Variants in CTNS observed in about 807,000 individuals in gnomAD.
The protein encoded by CTNS is cystinosin.
Under a neutral mutation model 43.7 loss-of-function variants are expected in CTNS, and 27 were observed. That is an observed-to-expected ratio of 0.62 (90% CI 0.46 to 0.85). The LOEUF (loss-of-function observed/expected upper bound fraction) is 0.85. Ranked by LOEUF, CTNS falls within the 40% of genes least tolerant of loss-of-function variation. The probability of loss-of-function intolerance (pLI) is 0.00; values close to 1 mark genes in which losing one functional copy is unlikely to be tolerated. For synonymous variants in CTNS, 187 were observed against 190.6 expected (o/e 0.98, Z 0.16); for missense variants, 457 against 475.4 (o/e 0.96, Z 0.36).
At chr17:3,647,571 G>GCTGGGTCAGGGCTGACCC in intron 4 of CTNS, 49 bp downstream of exon 4, 1 of 1,549,398 alleles carries the variant, frequency 6.5e-7, no homozygotes, top group Non-Finnish European at 8.9e-7. Flanking sequence ...AGGCCCCGCA[G>GCTGGGTCAGGGCTGACCC]CTGGGTCAGG....
At chr17:3,657,389 G>A (rs77550564) in intron 9 of CTNS, among the ~76,000 whole-genome samples, 7,806 of 152,258 alleles carry the variant, frequency 0.051, 711 homozygotes, top group African/African-American at 0.18. Context: ...GGCTGGGTCC[G>A]GGGACCCCTG....
upstream of CTNS, chr17:3,636,636 A>G: frequency 5.6e-6 from 1 of 178,082 alleles, no homozygotes; most frequent in Non-Finnish European, 1.2e-5. Flanking sequence ...TCCGTCTAAG[A>G]CGCGCGGAAA....
chr17:3,658,746 C>G (rs222752), intron 10 of CTNS, among the ~76,000 whole-genome samples: 53,463 of 152,118 alleles, frequency 0.35, 10,972 homozygotes, highest in Non-Finnish European at 0.46. Flanking sequence ...CTGGGAGCCT[C>G]GTGTTCTGTG....
chr17:3,647,128 C>T (rs1337917418), intron 3 of CTNS, among the ~76,000 whole-genome samples: 1 of 152,186 alleles, frequency 6.6e-6, no homozygotes, highest in African/African-American at 2.4e-5. Context: ...TGGAATTCCC[C>T]TGTAATGATT....
At chr17:3,653,055 TTGGAG>T (rs2076024655) in intron 5 of CTNS, among the ~76,000 whole-genome samples, 1 of 146,566 alleles carries the variant, frequency 6.8e-6, no homozygotes, top group Non-Finnish European at 1.5e-5. Context: ...AGCCCAGGAG[TTGGAG>T]TGATCAGTGA....
chr17:3,653,300 C>T (rs2089059), intron 5 of CTNS, among the ~76,000 whole-genome samples: 28,365 of 152,144 alleles, frequency 0.19, 3,487 homozygotes, highest in East Asian at 0.5. Context: ...GTAATCCCAA[C>T]TACTCAGGAG....
At chr17:3,651,150 A>C (rs890557783) in intron 5 of CTNS, among the ~76,000 whole-genome samples, 3 of 151,832 alleles carry the variant, frequency 2.0e-5, no homozygotes, top group Non-Finnish European at 4.4e-5. Context: ...GCTGGAGTGC[A>C]ATGGCGCAAT....
At position 3,655,413 on chromosome 17, in the gene CTNS, C is replaced by T. The variant is rs1287957954; in HGVS notation, c.461+61C>T. On this transcript the variant is annotated intron_variant, in intron 7 of 11. Coordinates refer to ENST00000046640, the MANE Select transcript of CTNS (RefSeq NM_004937.3). ...GGCCCCTAGGAGCAGGGCGTTCCAG[C>T]AAGGCTGCCGATAGCGCAGCCTCCA... 4.4e-6 allele frequency: 7 copies of T among 1,607,056 alleles called. No homozygotes were observed. In the Admixed American group the frequency reaches 5.0e-5, roughly 11 times the overall value.
At chr17:3,655,566 G>T in intron 7 of CTNS, 40 of 498,538 alleles carry the variant, frequency 8.0e-5, no homozygotes, top group Non-Finnish European at 9.9e-5. Flanking sequence ...CCCTCCCTGG[G>T]AAAGCAGGAA....
chr17:3,654,722 C>T (rs551178503), intron 5 of CTNS, among the ~76,000 whole-genome samples: 30 of 149,190 alleles, frequency 2.0e-4, no homozygotes, highest in South Asian at 8.6e-4. Flanking sequence ...AGGCCAGGCG[C>T]GGTGGCTCAC....
intron 2 of CTNS, among the ~76,000 whole-genome samples, chr17:3,638,908 A>C (rs996597945): frequency 6.6e-6 from 1 of 152,196 alleles, no homozygotes. Context: ...GCCAGAGAGT[A>C]GGTACGGGGT....
intron 7 of CTNS, chr17:3,655,851 G>C (rs1194220598): frequency 3.9e-6 from 1 of 254,566 alleles, no homozygotes; most frequent in African/African-American, 2.2e-5. Context: ...CTCCCCTCTG[G>C]AGCCAGGACT....
chr17:3,649,535 T>G (rs2075927496), intron 5 of CTNS, among the ~76,000 whole-genome samples: 1 of 151,834 alleles, frequency 6.6e-6, no homozygotes, highest in South Asian at 2.1e-4. Context: ...TTGGGCTTCC[T>G]TAGGAACACA....
At chr17:3,651,667 T>TA (rs2075985828) in intron 5 of CTNS, among the ~76,000 whole-genome samples, 1 of 151,976 alleles carries the variant, frequency 6.6e-6, no homozygotes, top group Non-Finnish European at 1.5e-5. Flanking sequence ...GTTCAGTTTT[T>TA]AAAAAAGTCT....
rs2076290066 is a variant in CTNS at position 3,662,403 on chromosome 17, A to G, written c.*2034A>G. Among the ~76,000 whole-genome samples, 1 of 152,118 alleles carries G rather than the reference A, an allele frequency of 6.6e-6. No homozygotes were observed. Among genetic ancestry groups the G allele is most frequent in the Admixed American group, 6.5e-5 (1 of 15,280 alleles). ...GTGCTAACACCTTCCCAGAGGTGGT[A>G]CGCAGGTAGTCAGGTGCTCTCTGAC... On this transcript the variant is annotated 3_prime_UTR_variant, in exon 12 of 12. Coordinates refer to ENST00000046640, the MANE Select transcript of CTNS (RefSeq NM_004937.3).
At chr17:3,650,849 T>G (rs1467257420) in intron 5 of CTNS, among the ~76,000 whole-genome samples, 1 of 152,174 alleles carries the variant, frequency 6.6e-6, no homozygotes, top group South Asian at 2.1e-4. Flanking sequence ...GTCGCCCAGG[T>G]TGGAGTAAAG....
At chr17:3,656,631 G>T (rs1376413238) in intron 8 of CTNS, 45 bp downstream of exon 8, 1 of 1,612,000 alleles carries the variant, frequency 6.2e-7, no homozygotes, top group Non-Finnish European at 8.5e-7. Context: ...TGGCGTGGTG[G>T]CCCGGCTGCC....
At chr17:3,656,825 A>C (rs1387002058) in intron 9 of CTNS, 30 bp downstream of exon 9, 1 of 1,611,594 alleles carries the variant, frequency 6.2e-7, no homozygotes, top group Non-Finnish European at 8.5e-7. Flanking sequence ...CCCACAGGCC[A>C]CCCCAGCCAA....
intron 5 of CTNS, among the ~76,000 whole-genome samples, chr17:3,653,895 C>T (rs2076055445): frequency 6.6e-6 from 1 of 150,502 alleles, no homozygotes; most frequent in African/African-American, 2.4e-5. Context: ...AATAAAGTCT[C>T]AGCAGGCATG....
Sources: allele counts gnomAD v4.1 joint callset (sites outside exome capture counted in the v4.1 genomes callset), GRCh38; gene constraint gnomAD v4.1.1; transcripts MANE v1.5; gene names NCBI Gene and HGNC (gene_info 2026-07-23, HGNC 2026-07-21).